The following TET2 variants were observed in gnomAD, a reference collection of about 807,000 sequenced individuals.
TET2 encodes tet methylcytosine dioxygenase 2.
In TET2, 299 loss-of-function variants were observed where a neutral mutation model predicts 142.9. The observed-to-expected ratio is 2.09, with a 90% CI of 1.90 to 2.30. The LOEUF is 2.30. TET2 is among the 30% of genes most tolerant of loss of function. TET2 has a pLI of 0.00. For synonymous variants in TET2, 819 were observed against 849.0 expected (o/e 0.96, Z 0.61); for missense variants, 2,418 against 2,378.0 (o/e 1.02, Z -0.35).
At chr4:105,194,584 C>G (rs1417703751) in intron 2 of TET2, among the ~76,000 whole-genome samples, 1 of 152,038 alleles carries the variant, frequency 6.6e-6, no homozygotes, top group African/African-American at 2.4e-5. Context: ...TTGTTACTTC[C>G]TTACAGGTCA....
intron 1 of TET2, among the ~76,000 whole-genome samples, chr4:105,149,283 T>G (rs113349346): frequency 0.015 from 2,274 of 152,304 alleles, 32 homozygotes; most frequent in Middle Eastern, 0.054. Flanking sequence ...ATAACTACAT[T>G]GGTTAATAAT....
Position 105,259,695 on chromosome 4 carries a change from T to G in TET2, c.3880T>G (p.Tyr1294Asp). 1 of 1,551,232 alleles carries G rather than the reference T, an allele frequency of 6.4e-7. No individual in the cohort carries two copies. The highest frequency in any genetic ancestry group is 8.7e-7 in the Non-Finnish European group (1 of 1,146,624). ...SFSFGCSWSM[Y>D]YNGCKFARSK... Reference sequence around the variant, plus strand: ...CTCTTTTGGTTGTTCATGGAGCATGTACTACAATGGATGTAAGTTTGCCAG... The same window carrying G: ...CTCTTTTGGTTGTTCATGGAGCATGGACTACAATGGATGTAAGTTTGCCAG... The change falls in exon 7 of 11, where the codon TAC (tyrosine) becomes GAC (aspartate). Residue 1294 changes from tyrosine (Y) to aspartate (D), a missense_variant. Tyr to Asp is a radical substitution (Grantham distance 160). Transcript: ENST00000380013.
In TET2 at chr4:105,275,533, A is replaced by G; in HGVS notation, c.5023A>G (p.Ile1675Val). The change falls in exon 11 of 11, where the codon ATC (isoleucine) becomes GTC (valine). Residue 1675 changes from isoleucine to valine, a missense_variant. Transcript: ENST00000380013. ...DPLSKLSLPP[I>V]HTLYQPRFGN... ...TCTGTCTAAGCTCAGTCTACCACCC[A>G]TCCATACACTTTACCAGCCAAGGTT... 1.3e-6 allele frequency: 2 copies of G among 1,551,646 alleles called. No individual in the cohort carries two copies. Among genetic ancestry groups the G allele is most frequent in the Non-Finnish European group, 1.7e-6 (2 of 1,146,972 alleles).
Position 105,275,874 on chromosome 4 carries a change from C to T in TET2, c.5364C>T (p.Asp1788=), listed in dbSNP as rs1731195048. 6.4e-7 allele frequency: 1 copy of T among 1,551,980 alleles called. No individual in the cohort carries two copies. Among genetic ancestry groups the T allele is most frequent in the Non-Finnish European group, 8.7e-7 (1 of 1,147,008 alleles). The change falls in exon 11 of 11, where the codon GAC becomes GAT. Residue 1788 remains aspartate (D), a synonymous_variant. Coordinates refer to ENST00000380013, the MANE Select transcript of TET2 (RefSeq NM_001127208.3). ...TGCATCTCCAAAACAAGGAGAATGA[C>T]ATGCTTTCCCACACAGCTAATGGGT... is the stretch of plus-strand genomic sequence containing the variant. ...HALHLQNKEN[D]MLSHTANGLS...
intron 6 of TET2, among the ~76,000 whole-genome samples, 199 bp from the exon 7 acceptor site, chr4:105,259,420 T>C (rs1032504137): frequency 1.4e-4 from 21 of 152,310 alleles, no homozygotes; most frequent in African/African-American, 4.8e-4. Context: ...ATGTGCACTT[T>C]TCTGTATGTG....
At chr4:105,183,137 G>A (rs965731414) in intron 1 of TET2, among the ~76,000 whole-genome samples, 1 of 152,110 alleles carries the variant, frequency 6.6e-6, no homozygotes, top group African/African-American at 2.4e-5. Context: ...TCCTCAATCT[G>A]TGGCTGTTTT....
At chr4:105,224,685 T>TCTCTCTCTCTCC (rs1728069355) in intron 2 of TET2, among the ~76,000 whole-genome samples, 1 of 3,396 alleles carries the variant, frequency 2.9e-4, no homozygotes, top group Non-Finnish European at 5.5e-4. Context: ...TATCAGCCAG[T>TCTCTCTCTCTCC]CTCTCTCTCT....
Position 105,242,841 on chromosome 4 carries a change from C to G in TET2, c.3508C>G (p.Gln1170Glu). 1.3e-6 allele frequency: 2 copies of G among 1,550,798 alleles called. No homozygotes were observed. Among genetic ancestry groups the G allele is most frequent in the Non-Finnish European group, 1.7e-6 (2 of 1,146,666 alleles). Reference protein sequence around the residue: ...IREIMEERFGQKGKAIRIERV... With the variant: ...IREIMEERFGEKGKAIRIERV... The stretch of plus-strand genomic sequence containing the variant: ...TCTGTGGGTTTCTTTAAGGTTTGGA[C>G]AGAAGGGTAAAGCTATTAGGATTGA... The change falls in exon 5 of 11, where the codon CAG becomes GAG. Residue 1170 changes from glutamine to glutamate, a missense_variant. Physicochemically the swap from Gln to Glu is conservative, Grantham distance 29 (BLOSUM62 2). Coordinates refer to ENST00000380013, the MANE Select transcript of TET2 (RefSeq NM_001127208.3).
At position 105,208,705 on chromosome 4, in the gene TET2, G is replaced by A. The variant is rs144124871; in HGVS notation, c.-47+18200G>A. Among the ~76,000 whole-genome samples, 149 of 152,206 alleles carry A rather than the reference G, an allele frequency of 9.8e-4. 1 individual carries two copies. The highest frequency in any genetic ancestry group is 3.4e-3 in the African/African-American group (143 of 41,562). On this transcript the variant is annotated intron_variant, in intron 2 of 10. Coordinates refer to ENST00000380013, the MANE Select transcript of TET2 (RefSeq NM_001127208.3). The stretch of plus-strand genomic sequence containing the variant: ...GGAGTGGATAAAGGCACAGTGGTGA[G>A]TAGTCAGTGTTTCCAATTAATCTCA...
At position 105,234,222 on chromosome 4, in the gene TET2, A is replaced by C; in HGVS notation, c.280A>C (p.Ile94Leu). The change falls in exon 3 of 11, where the codon ATA becomes CTA. Residue 94 changes from isoleucine (I) to leucine (L), a missense_variant. By Grantham distance (5) the Ile-to-Leu change is conservative. Coordinates refer to ENST00000380013, the MANE Select transcript of TET2 (RefSeq NM_001127208.3). ...GYSKCLQNGG[I>L]KRTVSEPSLS... ...TTCCAAGTGTTTGCAAAATGGAGGA[A>C]TAAAACGCACAGTTAGTGAACCTTC... is the stretch of plus-strand genomic sequence containing the variant. The C allele has an allele frequency of 6.2e-7, 1 of 1,614,166 alleles. No homozygotes were observed. Among genetic ancestry groups the C allele is most frequent in the Non-Finnish European group, 8.5e-7 (1 of 1,180,026 alleles).
In TET2 at chr4:105,199,342, C is replaced by T. The variant is rs117181827; in HGVS notation, c.-47+8837C>T. Among the ~76,000 whole-genome samples the T allele has an allele frequency of 3.0e-4, 46 of 152,196 alleles. No homozygotes were observed. In the East Asian group the frequency reaches 7.1e-3, roughly 24 times the overall value. On this transcript the variant is annotated intron_variant, in intron 2 of 10. Transcript: ENST00000380013. ...CGATTTAATCACATTGAAGTTAGTC[C>T]GCAAAGGTTTTTGTCTTTTTTTCAG... is the stretch of plus-strand genomic sequence containing the variant.
intron 2 of TET2, among the ~76,000 whole-genome samples, chr4:105,228,963 G>A (rs1224919458): frequency 6.6e-6 from 1 of 152,098 alleles, no homozygotes; most frequent in Non-Finnish European, 1.5e-5. Flanking sequence ...GAAACATAAT[G>A]TAAGCCACAT....
intron 6 of TET2, among the ~76,000 whole-genome samples, chr4:105,253,173 T>TG (rs1287425015): frequency 6.6e-6 from 1 of 152,166 alleles, no homozygotes; most frequent in Admixed American, 6.5e-5. Flanking sequence ...AGTCATTTAT[T>TG]GGTCTTTTGC....
chr4:105,220,681 CT>C (rs1428238010), intron 2 of TET2, among the ~76,000 whole-genome samples: 1 of 152,166 alleles, frequency 6.6e-6, no homozygotes. Context: ...CATTGACTGG[CT>C]ATTGGACGCC....
chr4:105,259,812 A>C, intron 7 of TET2, 43 bp downstream of exon 7: 2 of 1,529,396 alleles, frequency 1.3e-6, no homozygotes, highest in Middle Eastern at 2.1e-4. Flanking sequence ...TTTTTCATAG[A>C]GAATTCATTA....
intron 2 of TET2, among the ~76,000 whole-genome samples, chr4:105,220,550 A>G (rs547663252): frequency 6.6e-6 from 1 of 152,094 alleles, no homozygotes; most frequent in African/African-American, 2.4e-5. Flanking sequence ...CTCCCCCTCT[A>G]CCGTGAGCAC....
chr4:105,159,027 C>T (rs1012788270), intron 1 of TET2, among the ~76,000 whole-genome samples: 17 of 152,010 alleles, frequency 1.1e-4, no homozygotes, highest in African/African-American at 3.9e-4. Flanking sequence ...CCTAGGATTC[C>T]AGAGACTCTT....
chr4:105,202,881 T>G (rs897111594), intron 2 of TET2, among the ~76,000 whole-genome samples: 2 of 152,356 alleles, frequency 1.3e-5, no homozygotes, highest in African/African-American at 2.4e-5. Context: ...GGCTGTTAAC[T>G]ATACATCAGG....
At position 105,236,492 on chromosome 4, in the gene TET2, TC is replaced by T. The variant is rs1728923866; in HGVS notation, c.2552del (p.Pro851LeufsTer22). 1.2e-6 allele frequency: 2 copies of T among 1,614,074 alleles called. No individual in the cohort carries two copies. Among genetic ancestry groups the T allele is most frequent in the Non-Finnish European group, 8.5e-7 (1 of 1,180,004 alleles). Reference sequence around the variant, plus strand: ...CAGAGAATAAAGAACAGACTACACATCCTGAACTTTTTGCAGGAAACAAGAC... The same window carrying T: ...CAGAGAATAAAGAACAGACTACACATCTGAACTTTTTGCAGGAAACAAGAC... The part of the protein sequence containing the change: ...VSENKEQTTH[P>X]ELFAGNKTQN... On this transcript the variant is annotated frameshift_variant, in exon 3 of 11. Transcript: ENST00000380013. LOFTEE classifies it high-confidence loss of function.
Sources: gnomAD v4.1 joint callset for allele counts (sites outside exome capture counted in the v4.1 genomes callset) on GRCh38, gnomAD v4.1.1 for gene constraint, MANE v1.5 for transcripts, NCBI Gene and HGNC (gene_info 2026-07-23, HGNC 2026-07-21) for gene names.